Variants in GLI2 observed in about 807,000 individuals in gnomAD.
The protein encoded by GLI2 is transcription activator GLI2.
In GLI2, 22 loss-of-function variants were observed where a neutral mutation model predicts 78.9. The ratio of observed to expected loss-of-function variants is 0.28; its 90% CI spans 0.20 to 0.40. The LOEUF (loss-of-function observed/expected upper bound fraction) is 0.40. Among genes scored for constraint, GLI2 ranks in the 10% least tolerant of loss-of-function variants. The probability of loss-of-function intolerance (pLI) is 1.00; values close to 1 mark genes in which losing one functional copy is unlikely to be tolerated. For missense variants in GLI2, 2,097 were observed against 2,213.2 expected (o/e 0.95, Z 1.05); for synonymous variants, 974 against 963.7 (o/e 1.01, Z -0.20).
chr2:120,951,010 G>A (rs1050671914), intron 3 of GLI2, among the ~76,000 whole-genome samples: 2 of 152,204 alleles, frequency 1.3e-5, no homozygotes, highest in African/African-American at 2.4e-5. Flanking sequence ...GGAACTGGCC[G>A]GCGGGTGCAC....
chr2:120,986,152 G>C, intron 12 of GLI2, 126 bp from the exon 13 acceptor site: 1 of 814,026 alleles, frequency 1.2e-6, no homozygotes. Flanking sequence ...CCGCAAGGCA[G>C]CTTCCTTCCC....
At chr2:120,836,007 A>G (rs551860878) in intron 2 of GLI2, among the ~76,000 whole-genome samples, 1 of 152,300 alleles carries the variant, frequency 6.6e-6, no homozygotes, top group African/African-American at 2.4e-5. Context: ...CAAAAGCAAT[A>G]ATCAAACTGG....
chr2:120,947,481 G>A (rs1358548687), intron 3 of GLI2, among the ~76,000 whole-genome samples: 2 of 152,202 alleles, frequency 1.3e-5, no homozygotes, highest in Admixed American at 6.5e-5. Context: ...CTGGCCCTGT[G>A]CAAAAGAGAC....
chr2:120,886,230 GGTTTTTGTTTTGTTTTGTTTT>G (rs1677403886), intron 2 of GLI2, among the ~76,000 whole-genome samples: 1 of 97,514 alleles, frequency 1.0e-5, no homozygotes, highest in African/African-American at 4.2e-5. Context: ...TTTGGTTTTG[GGTTTTTGTTTTGTTTTGTTTT>G]GTTTTGTTTT....
chr2:120,747,822 A>C (rs1000278394), intron 1 of GLI2, among the ~76,000 whole-genome samples: 1 of 152,216 alleles, frequency 6.6e-6, no homozygotes, highest in African/African-American at 2.4e-5. Context: ...AGGCAGCAGT[A>C]CTTTATTCAA....
At chr2:120,945,693 A>G (rs1680672556) in intron 3 of GLI2, among the ~76,000 whole-genome samples, 1 of 152,134 alleles carries the variant, frequency 6.6e-6, no homozygotes, top group Admixed American at 6.5e-5. Flanking sequence ...TCTCCCCTGC[A>G]TGGCCTCCAG....
intron 3 of GLI2, among the ~76,000 whole-genome samples, chr2:120,929,166 G>A (rs1679832050): frequency 1.3e-5 from 2 of 152,110 alleles, no homozygotes; most frequent in African/African-American, 2.4e-5. Flanking sequence ...CATGCGTTTT[G>A]GGGAATAATA....
intron 1 of GLI2, among the ~76,000 whole-genome samples, chr2:120,769,954 A>G (rs1683477352): frequency 6.6e-6 from 1 of 152,156 alleles, no homozygotes; most frequent in Admixed American, 6.5e-5. Flanking sequence ...CTGGCTGACA[A>G]GTAGGTGCCT....
intron 3 of GLI2, 71 bp downstream of exon 3, chr2:120,927,537 T>G (rs1250233964): frequency 1.4e-5 from 13 of 938,050 alleles, no homozygotes; most frequent in Non-Finnish European, 2.3e-5. Flanking sequence ...GCCGGCAGCC[T>G]CAGCCACATC....
intron 1 of GLI2, among the ~76,000 whole-genome samples, chr2:120,745,566 C>T (rs987790961): frequency 4.6e-5 from 7 of 152,194 alleles, no homozygotes; most frequent in African/African-American, 1.7e-4. Flanking sequence ...TTTCCTTTCA[C>T]TACTGTCCTG....
chr2:120,836,044 A>G (rs982813036), intron 2 of GLI2, among the ~76,000 whole-genome samples: 11 of 152,156 alleles, frequency 7.2e-5, no homozygotes, highest in African/African-American at 2.7e-4. Context: ...TGTTATTACT[A>G]TGTCCTGGCA....
chr2:120,898,792 G>A (rs529253184), intron 2 of GLI2, among the ~76,000 whole-genome samples: 11 of 152,286 alleles, frequency 7.2e-5, no homozygotes, highest in African/African-American at 2.6e-4. Flanking sequence ...AGCTCAGAGA[G>A]GTGAAGCGAC....
At chr2:120,770,116 A>G (rs148867813) in intron 1 of GLI2, among the ~76,000 whole-genome samples, 2 of 152,326 alleles carry the variant, frequency 1.3e-5, no homozygotes, top group African/African-American at 4.8e-5. Context: ...CAAATCACAA[A>G]GAATATAGCT....
At chr2:120,865,001 C>G (rs1688060532) in intron 2 of GLI2, among the ~76,000 whole-genome samples, 1 of 152,166 alleles carries the variant, frequency 6.6e-6, no homozygotes, top group African/African-American at 2.4e-5. Flanking sequence ...TCTCTTCCAA[C>G]TCGGTAGTGC....
At chr2:120,955,835 T>C (rs1275817221) in intron 5 of GLI2, among the ~76,000 whole-genome samples, 1 of 151,962 alleles carries the variant, frequency 6.6e-6, no homozygotes, top group East Asian at 1.9e-4. Context: ...CACTGGGAAG[T>C]TGAAATCTGG....
rs766257727 is a variant in GLI2 at position 120,968,821 on chromosome 2, A to T, written c.751A>T (p.Thr251Ser). 4 of 1,613,658 alleles carry T rather than the reference A, an allele frequency of 2.5e-6. No individual in the cohort carries two copies. The highest frequency in any genetic ancestry group is 1.1e-5 in the South Asian group (1 of 91,072). ...CCTGGACCTGCAGCGGATGATCCGCACCTCACCCAACTCGCTAGTGGCCTA... is the reference window on the plus strand; with the variant it reads ...CCTGGACCTGCAGCGGATGATCCGCTCCTCACCCAACTCGCTAGTGGCCTA... ...ASLDLQRMIR[T>S]SPNSLVAYIN... The change falls in exon 6 of 14, where the codon ACC (threonine) becomes TCC (serine). Residue 251 changes from threonine to serine, a missense_variant. Physicochemically the swap from Thr to Ser is moderately conservative, Grantham distance 58 (BLOSUM62 1). Around this residue, in one of 5 missense-constraint regions of GLI2, gnomAD observed 578 missense variants for 612.0 expected, o/e 0.94. Transcript: ENST00000361492.
In GLI2 at chr2:120,951,457, G is replaced by A; in HGVS notation, c.457+12G>A. The stretch of plus-strand genomic sequence containing the variant: ...CAGCCCCGCTGATGGTGAGTAGGGT[G>A]TGGGGATGGGGAGGGGCAGCTAGGG... On this transcript the variant is annotated intron_variant, in intron 4 of 13. Transcript: ENST00000361492. The A allele has an allele frequency of 3.8e-6, 6 of 1,584,020 alleles. No individual in the cohort carries two copies. Among genetic ancestry groups the A allele is most frequent in the Non-Finnish European group, 5.2e-6 (6 of 1,155,396 alleles).
chr2:120,872,756 A>G (rs547383892), intron 2 of GLI2, among the ~76,000 whole-genome samples: 1 of 152,336 alleles, frequency 6.6e-6, no homozygotes, highest in South Asian at 2.1e-4. Flanking sequence ...CTGATAATCC[A>G]TAGGTATTAT....
intron 2 of GLI2, among the ~76,000 whole-genome samples, chr2:120,903,593 G>A (rs1216331558): frequency 1.3e-5 from 2 of 152,216 alleles, no homozygotes; most frequent in Non-Finnish European, 2.9e-5. Flanking sequence ...AGAAAAAATA[G>A]CCAGGCTCTT....
Sources: allele counts gnomAD v4.1 joint callset (sites outside exome capture counted in the v4.1 genomes callset), GRCh38; gene constraint gnomAD v4.1.1; regional missense constraint gnomAD v4.1.1; transcripts MANE v1.5; gene names NCBI Gene and HGNC (gene_info 2026-07-23, HGNC 2026-07-21).